The following ERAP1 variants were observed in gnomAD, a reference collection of about 807,000 sequenced individuals.
ERAP1 encodes adipocyte-derived leucine aminopeptidase.
A neutral mutation model predicts 103.7 loss-of-function variants in ERAP1; 86 were observed. The ratio of observed to expected loss-of-function variants is 0.83; its 90% CI spans 0.70 to 0.99. ERAP1 has a LOEUF of 0.99. Among genes scored for constraint, ERAP1 ranks in the 50% least tolerant of loss-of-function variants. The pLI, the probability that ERAP1 is intolerant of heterozygous loss-of-function variation, is 0.00. For missense variants in ERAP1, 1,009 were observed against 1,128.4 expected (o/e 0.89, Z 1.52); for synonymous variants, 398 against 402.4 (o/e 0.99, Z 0.13).
the ERAP1 span, among the ~76,000 whole-genome samples, chr5:96,885,637 C>A: frequency 0.55 from 83,514 of 152,082 alleles, 22,959 homozygotes; most frequent in Admixed American, 0.6. Context: ...ACATGTCAAA[C>A]ATGCTTAATA....
the ERAP1 span, among the ~76,000 whole-genome samples, chr5:96,875,115 C>T: frequency 2.6e-5 from 4 of 152,176 alleles, no homozygotes; most frequent in African/African-American, 9.7e-5. Flanking sequence ...GTACAAGTAA[C>T]TGCAAGAAGC....
chr5:96,809,622 G>T (rs774325837), upstream of ERAP1, among the ~76,000 whole-genome samples: 1 of 151,940 alleles, frequency 6.6e-6, no homozygotes, highest in Non-Finnish European at 1.5e-5. Flanking sequence ...ACTCAACTAC[G>T]GTGGGATCCA....
rs1334067642 is a variant in ERAP1, at chr5:96,790,657, A to G, written c.1321-14T>C. The G allele has an allele frequency of 6.2e-7, 1 of 1,603,140 alleles. No homozygotes were observed. Among genetic ancestry groups the G allele is most frequent in the African/African-American group, 1.3e-5 (1 of 74,698 alleles). ...AATACAAGCTCCCTGAAAAGATAAT[A>G]GAAATAATTGTTATCTATAGTTTCA... On this transcript the variant is annotated splice_polypyrimidine_tract_variant and intron_variant, in intron 8 of 18. Coordinates refer to ENST00000443439, the MANE Select transcript of ERAP1 (RefSeq NM_001040458.3).
chr5:96,926,167 C>A, the ERAP1 span, among the ~76,000 whole-genome samples: 1 of 152,168 alleles, frequency 6.6e-6, no homozygotes, highest in Non-Finnish European at 1.5e-5. Flanking sequence ...ACCTGGGCCT[C>A]CCAAAGTGCT....
At chr5:96,767,890 T>A in intron 19 of ERAP1, 1 of 1,565,350 alleles carries the variant, frequency 6.4e-7, no homozygotes, top group South Asian at 1.1e-5. Context: ...TGATGGTTAT[T>A]TCTACTCATA....
the ERAP1 span, among the ~76,000 whole-genome samples, chr5:96,899,613 A>G: frequency 6.6e-6 from 1 of 152,184 alleles, no homozygotes; most frequent in Non-Finnish European, 1.5e-5. Flanking sequence ...ATTCCCAGTT[A>G]GTTCGAAATA....
chr5:96,813,232 G>C, the ERAP1 span, among the ~76,000 whole-genome samples: 1 of 152,130 alleles, frequency 6.6e-6, no homozygotes, highest in African/African-American at 2.4e-5. Context: ...TTGAGACAAA[G>C]AAATACTAGC....
chr5:96,871,150 A>T, the ERAP1 span, among the ~76,000 whole-genome samples: 3 of 152,264 alleles, frequency 2.0e-5, no homozygotes, highest in Middle Eastern at 6.8e-3. Flanking sequence ...CTCTCCCAGA[A>T]TCTCATCTGC....
chr5:96,929,459 CCTTCCTTCCTTTTTTTT>C, the ERAP1 span, among the ~76,000 whole-genome samples: 1 of 133,252 alleles, frequency 7.5e-6, no homozygotes, highest in Non-Finnish European at 1.7e-5. Context: ...TCTTTTCCTT[CCTTCCTTCCTTTTTTTT>C]CTTCCTTCCT....
At chr5:96,767,837 T>C in intron 19 of ERAP1, 1 of 862,394 alleles carries the variant, frequency 1.2e-6, no homozygotes, top group Non-Finnish European at 2.0e-6. Context: ...GTAAGTGATG[T>C]GGGAAAAGAC....
At chr5:96,909,651 C>G in the ERAP1 span, 1 of 1,614,178 alleles carries the variant, frequency 6.2e-7, no homozygotes, top group Non-Finnish European at 8.5e-7. Context: ...CAGTCTGGGA[C>G]AGGATGCTCC....
intron 1 of ERAP1, among the ~76,000 whole-genome samples, chr5:96,807,097 G>C (rs1475679860): frequency 6.6e-6 from 1 of 152,124 alleles, no homozygotes; most frequent in Non-Finnish European, 1.5e-5. Context: ...AAATCCAAAA[G>C]CGTGAGGAAG....
intron 18 of ERAP1, among the ~76,000 whole-genome samples, chr5:96,777,444 T>C (rs1774497330): frequency 6.6e-6 from 1 of 152,160 alleles, no homozygotes; most frequent in South Asian, 2.1e-4. Context: ...ATATTATTAG[T>C]TTGGGAATAA....
chr5:96,807,800 C>G, intron 1 of ERAP1, 60 bp downstream of exon 1: 1 of 976,346 alleles, frequency 1.0e-6, no homozygotes, highest in Non-Finnish European at 1.2e-6. Flanking sequence ...AGGGAAGGGG[C>G]GGGTGCCGCG....
At chr5:96,915,884 T>C in the ERAP1 span, 1 of 870,036 alleles carries the variant, frequency 1.1e-6, no homozygotes. Flanking sequence ...AAAAAAGTTG[T>C]TTGTCCAATG....
the ERAP1 span, chr5:96,902,232 A>G: frequency 7.5e-7 from 1 of 1,334,556 alleles, no homozygotes; most frequent in South Asian, 1.2e-5. Flanking sequence ...AAATCACAGC[A>G]GCATTCTTTT....
the ERAP1 span, chr5:96,902,360 A>G: frequency 1.9e-6 from 3 of 1,584,222 alleles, no homozygotes; most frequent in Admixed American, 5.0e-5. Context: ...ACAGGTAATG[A>G]ACTAATTAGC....
chr5:96,816,967 C>A, the ERAP1 span, among the ~76,000 whole-genome samples: 6 of 152,222 alleles, frequency 3.9e-5, no homozygotes, highest in East Asian at 9.6e-4. Context: ...CCATTCTGCT[C>A]GTGAGTTTTG....
the ERAP1 span, chr5:96,919,360 GT>G: frequency 2.0e-5 from 3 of 152,110 alleles, no homozygotes; most frequent in Non-Finnish European, 4.4e-5. Flanking sequence ...ACCTTCCTTG[GT>G]TTTTATAACA....
Sources: gnomAD v4.1 joint callset for allele counts (sites outside exome capture counted in the v4.1 genomes callset) on GRCh38, gnomAD v4.1.1 for gene constraint, MANE v1.5 for transcripts, NCBI Gene and HGNC (gene_info 2026-07-23, HGNC 2026-07-21) for gene names.